Variants in TSEN15 observed in about 807,000 individuals in gnomAD.
The protein encoded by TSEN15 is tRNA splicing endonuclease subunit 15, also known as tRNA-splicing endonuclease subunit Sen15.
TSEN15 carries 10 observed loss-of-function variants against 20.5 expected under a neutral mutation model. The observed-to-expected ratio is 0.49, with a 90% CI of 0.30 to 0.83. TSEN15 has a LOEUF of 0.83. TSEN15 is among the 40% of genes least tolerant of loss of function. TSEN15 has a pLI of 0.06. For missense variants in TSEN15, 180 were observed against 218.6 expected, an observed-to-expected ratio of 0.82 and a Z score of 1.11; for synonymous variants, 72 against 80.1, an observed-to-expected ratio of 0.90 and a Z score of 0.54.
chr1:184,084,526 TG>T (rs2102902466), intron 3 of TSEN15, among the ~76,000 whole-genome samples: 1 of 151,660 alleles, frequency 6.6e-6, no homozygotes, highest in East Asian at 2.0e-4. Flanking sequence ...ACAGGTGGGA[TG>T]GGGTGTGATA....
At chr1:184,056,583 T>C (rs1650256260) in intron 3 of TSEN15, among the ~76,000 whole-genome samples, 1 of 152,182 alleles carries the variant, frequency 6.6e-6, no homozygotes, top group Admixed American at 6.5e-5. Context: ...CGTCTTTGTG[T>C]CTAGTTTAAG....
rs946476056 is a variant in TSEN15, at chr1:184,072,498, A to C, written c.495+200A>C. 1.2e-5 allele frequency: 7 copies of C among 572,150 alleles called. No individual in the cohort carries two copies. The South Asian group carries it at 2.0e-4, about 16-fold the overall frequency. The allele number at this position is 572,150 out of a possible 1,614,324, so 35.4% of individuals were successfully genotyped here. A position where few individuals can be genotyped will look rare whatever the true frequency, so the allele number is the denominator to read the frequency against. On this transcript the variant is annotated intron_variant, in intron 4 of 4. Coordinates refer to ENST00000645668, the MANE Select transcript of TSEN15 (RefSeq NM_052965.4). The stretch of plus-strand genomic sequence containing the variant: ...AGCATGTTCCTAGTTATTTTTGCAA[A>C]AAAAAAATTGATTTCCTTACTCTTT...
At chr1:184,054,963 G>C in intron 3 of TSEN15, 100 bp downstream of exon 3, 3 of 1,353,524 alleles carry the variant, frequency 2.2e-6, no homozygotes, top group Non-Finnish European at 3.0e-6. Flanking sequence ...GGGATACAGG[G>C]TTCATAGCTT....
intron 3 of TSEN15, among the ~76,000 whole-genome samples, chr1:184,080,491 G>A (rs1361979700): frequency 1.3e-5 from 2 of 152,134 alleles, no homozygotes; most frequent in Non-Finnish European, 1.5e-5. Context: ...AAGTCTTTGG[G>A]AGGAAAAAAT....
intron 3 of TSEN15, among the ~76,000 whole-genome samples, chr1:184,079,597 C>T (rs1418016329): frequency 6.6e-6 from 1 of 152,076 alleles, no homozygotes; most frequent in South Asian, 2.1e-4. Flanking sequence ...GGTCAGAGCA[C>T]GTGCAAGTGC....
chr1:184,071,181 A>G (rs1460327279), intron 3 of TSEN15: 3 of 152,004 alleles, frequency 2.0e-5, no homozygotes, highest in East Asian at 3.8e-4. Flanking sequence ...GACTTTCTCC[A>G]TTGAATTGCC....
intron 3 of TSEN15, among the ~76,000 whole-genome samples, chr1:184,066,924 A>C (rs1023991324): frequency 1.3e-5 from 2 of 152,130 alleles, no homozygotes; most frequent in Non-Finnish European, 2.9e-5. Flanking sequence ...ATTTGTTTAG[A>C]TCTCCTATGA....
intron 3 of TSEN15, among the ~76,000 whole-genome samples, chr1:184,083,272 G>A (rs151338266): frequency 6.6e-6 from 1 of 152,248 alleles, no homozygotes; most frequent in African/African-American, 2.4e-5. Context: ...CTCAGGCTGT[G>A]AGACAAATCA....
At chr1:184,064,888 A>G (rs1441537365) in intron 3 of TSEN15, among the ~76,000 whole-genome samples, 23 of 151,976 alleles carry the variant, frequency 1.5e-4, no homozygotes, top group Admixed American at 1.5e-3. Context: ...CATTATACTC[A>G]CTCCCTAAGC....
chr1:184,063,589 A>G (rs990871067), intron 3 of TSEN15, among the ~76,000 whole-genome samples: 1 of 152,164 alleles, frequency 6.6e-6, no homozygotes, highest in Admixed American at 6.5e-5. Context: ...TCTTTTCCTC[A>G]TACATTGAAT....
chr1:184,095,618 ATCTC>A (rs1651434326), intron 3 of TSEN15: 1 of 387,120 alleles, frequency 2.6e-6, no homozygotes, highest in African/African-American at 2.2e-5. Flanking sequence ...AGAGATCTCT[ATCTC>A]TCTCCCCCTT....
intron 3 of TSEN15, among the ~76,000 whole-genome samples, chr1:184,082,248 G>A (rs1651184427): frequency 6.6e-6 from 1 of 152,064 alleles, no homozygotes; most frequent in African/African-American, 2.4e-5. Context: ...GCTGAATTGG[G>A]CATCATCCTG....
intron 3 of TSEN15, among the ~76,000 whole-genome samples, chr1:184,081,112 A>C (rs1472324306): frequency 6.6e-6 from 1 of 152,180 alleles, no homozygotes; most frequent in African/African-American, 2.4e-5. Context: ...GCAGAGCAGC[A>C]ATAGTTTGTG....
At chr1:184,096,423 T>C (rs1005410677) in exon 4 of TSEN15, 1 of 152,230 alleles carries the variant, frequency 6.6e-6, no homozygotes, top group Non-Finnish European at 1.5e-5. Flanking sequence ...GTTTTAGGAA[T>C]CACAGGGTTG....
At chr1:184,075,653 C>T (rs1269354914), downstream of TSEN15, among the ~76,000 whole-genome samples, 1 of 152,042 alleles carries the variant, frequency 6.6e-6, no homozygotes, top group African/African-American at 2.4e-5. Context: ...TTTTCAGACT[C>T]TACTAAGAGT....
intron 2 of TSEN15, 116 bp downstream of exon 2, chr1:184,054,551 T>G (rs1177908317): frequency 8.4e-7 from 1 of 1,191,586 alleles, no homozygotes; most frequent in East Asian, 2.4e-5. Flanking sequence ...TTGCTGTTAA[T>G]TTTGCAATTT....
At chr1:184,095,656 TC>T (rs1186547767) in intron 3 of TSEN15, 11 of 397,748 alleles carry the variant, frequency 2.8e-5, no homozygotes, top group Non-Finnish European at 3.5e-5. Flanking sequence ...TCTCTCTCTC[TC>T]TCTCTCTCTC....
intron 3 of TSEN15, among the ~76,000 whole-genome samples, chr1:184,066,286 C>G (rs917374296): frequency 6.6e-6 from 1 of 150,816 alleles, no homozygotes; most frequent in African/African-American, 2.4e-5. Context: ...GATCAATTGA[C>G]TATTTATGTG....
Position 184,052,002 on chromosome 1 carries a change from C to T in TSEN15, c.135+112C>T, listed in dbSNP as rs181680710. The T allele has an allele frequency of 1.6e-3, 1,828 of 1,156,422 alleles. 1 individual carries two copies. The highest frequency in any genetic ancestry group is 1.9e-3 in the Non-Finnish European group (1,695 of 899,652). 71.6% of individuals were successfully genotyped at this position (1,156,422 alleles called of 1,614,324 possible). A position where few individuals can be genotyped will look rare whatever the true frequency, so the allele number is the denominator to read the frequency against. On this transcript the variant is annotated intron_variant, in intron 1 of 4. Transcript: ENST00000645668. Reference sequence around the variant, plus strand: ...AGTGGGAGACTGAGGACGCGCGCCACCCTCACCGAGGGGGACCGGTGTGCA... The same window carrying T: ...AGTGGGAGACTGAGGACGCGCGCCATCCTCACCGAGGGGGACCGGTGTGCA...
Sources: allele counts gnomAD v4.1 joint callset (sites outside exome capture counted in the v4.1 genomes callset), GRCh38; gene constraint gnomAD v4.1.1; transcripts MANE v1.5; gene names NCBI Gene and HGNC (gene_info 2026-07-23, HGNC 2026-07-21).